Variants in FYTTD1 observed in about 807,000 individuals in gnomAD.
FYTTD1 encodes the protein UAP56-interacting factor.
Under a neutral mutation model 40.9 loss-of-function variants are expected in FYTTD1, and 22 were observed. That is an observed-to-expected ratio of 0.54 (90% CI 0.38 to 0.77). The LOEUF (loss-of-function observed/expected upper bound fraction) is 0.77, where lower values mean the gene tolerates loss of function less well. FYTTD1 is among the 30% of genes least tolerant of loss of function. The pLI, the probability that FYTTD1 is intolerant of heterozygous loss-of-function variation, is 0.00. For missense variants in FYTTD1, 351 were observed against 392.2 expected, an observed-to-expected ratio of 0.90 and a Z score of 0.89; for synonymous variants, 140 against 137.9, an observed-to-expected ratio of 1.01 and a Z score of -0.10.
intron 2 of FYTTD1, chr3:197,763,592 C>T: frequency 2.4e-6 from 1 of 417,110 alleles, no homozygotes. Context: ...GCGTGGGCAA[C>T]ATAGGGAGAC....
At chr3:197,762,849 C>A (rs1303471550) in intron 2 of FYTTD1, among the ~76,000 whole-genome samples, 1 of 152,008 alleles carries the variant, frequency 6.6e-6, no homozygotes, top group Non-Finnish European at 1.5e-5. Flanking sequence ...GGCCACTGCA[C>A]TCCAGCCTGG....
At position 197,783,987 on chromosome 3, in the gene FYTTD1, TTGG is replaced by T. The variant is rs1164753466; in HGVS notation, c.*2083_*2085del. The T allele has an allele frequency of 6.6e-6, 1 of 152,632 alleles. No homozygotes were observed. Among genetic ancestry groups the T allele is most frequent in the African/African-American group, 2.4e-5 (1 of 41,454 alleles). 9.5% of individuals were successfully genotyped at this position (152,632 alleles called of 1,614,324 possible). ...CTTTGGTACAACTAAATTAAAACTC[TTGG>T]TGGTCACATATTGTATATAAACAAA... On this transcript the variant is annotated 3_prime_UTR_variant, in exon 9 of 9. Transcript: ENST00000241502.
chr3:197,755,606 C>T (rs969297205), intron 1 of FYTTD1: 6 of 208,620 alleles, frequency 2.9e-5, no homozygotes, highest in South Asian at 1.9e-4. Context: ...CCGCCATACC[C>T]GGCTAATTTA....
chr3:197,750,944 G>A, intron 1 of FYTTD1: 3 of 664,230 alleles, frequency 4.5e-6, no homozygotes, highest in Non-Finnish European at 5.6e-6. Flanking sequence ...GGCACCAGCC[G>A]CTGTGGTTAG....
chr3:197,756,423 T>TA lies in FYTTD1; in HGVS notation c.104-2dup. ...AAAATAATTGACATTTCCTCTATCATAGATGATATCATCAAGTTGAATCGA... is the reference window on the plus strand; with the variant it reads ...AAAATAATTGACATTTCCTCTATCATAAGATGATATCATCAAGTTGAATCGA... On this transcript the variant is annotated splice_region_variant and splice_polypyrimidine_tract_variant and intron_variant, in intron 1 of 8. Coordinates refer to ENST00000241502, the MANE Select transcript of FYTTD1 (RefSeq NM_032288.7). The TA allele has an allele frequency of 6.3e-7, 1 of 1,599,568 alleles. No individual in the cohort carries two copies. The highest frequency in any genetic ancestry group is 8.6e-7 in the Non-Finnish European group (1 of 1,166,746).
intron 1 of FYTTD1, chr3:197,750,937 A>G (rs1580439480): frequency 2.6e-6 from 2 of 757,244 alleles, no homozygotes; most frequent in Non-Finnish European, 1.6e-6. Flanking sequence ...CTACCGAGGC[A>G]CCAGCCGCTG....
At chr3:197,755,477 G>A (rs146009442) in intron 1 of FYTTD1, among the ~76,000 whole-genome samples, 2,895 of 149,022 alleles carry the variant, frequency 0.019, 67 homozygotes, top group Non-Finnish European at 0.03. Context: ...ATGGAGTCTC[G>A]CTCTGTCACC....
intron 1 of FYTTD1, 119 bp from the exon 2 acceptor site, chr3:197,756,307 T>C (rs1041236490): frequency 9.9e-6 from 7 of 705,798 alleles, no homozygotes; most frequent in African/African-American, 7.2e-5. Flanking sequence ...TATCCTCTTA[T>C]GGAAGTGCTT....
intron 2 of FYTTD1, among the ~76,000 whole-genome samples, chr3:197,760,367 T>G (rs1200499511): frequency 7.2e-5 from 11 of 152,002 alleles, no homozygotes; most frequent in Admixed American, 5.2e-4. Flanking sequence ...GTATAGAGTG[T>G]TCTTCAGTGG....
At chr3:197,777,060 A>T in intron 7 of FYTTD1, 59 bp downstream of exon 7, 1 of 1,014,600 alleles carries the variant, frequency 9.9e-7, no homozygotes, top group Non-Finnish European at 1.5e-6. Context: ...AGATCATAAG[A>T]AAGTATTGGA....
At chr3:197,761,241 G>C (rs1192487571) in intron 2 of FYTTD1, among the ~76,000 whole-genome samples, 1 of 151,998 alleles carries the variant, frequency 6.6e-6, no homozygotes, top group Non-Finnish European at 1.5e-5. Flanking sequence ...TTCTTCAGTG[G>C]TAGAATGTAT....
intron 4 of FYTTD1, 94 bp from the exon 5 acceptor site, chr3:197,773,309 G>T: frequency 1.4e-3 from 899 of 630,194 alleles, no homozygotes; most frequent in East Asian, 2.0e-3. Context: ...CCTCATGTTT[G>T]CAGCCTATGA....
chr3:197,770,054 C>T, intron 3 of FYTTD1, 78 bp from the exon 4 acceptor site: 1 of 811,884 alleles, frequency 1.2e-6, no homozygotes, highest in Non-Finnish European at 2.0e-6. Context: ...CTTGTTCATT[C>T]TGCATCTGAA....
At chr3:197,765,292 C>G (rs1729512357) in intron 2 of FYTTD1, among the ~76,000 whole-genome samples, 1 of 152,046 alleles carries the variant, frequency 6.6e-6, no homozygotes, top group Admixed American at 6.6e-5. Flanking sequence ...TTTTGCCCTA[C>G]AAACTCACTT....
chr3:197,775,853 G>A (rs1349733055), intron 6 of FYTTD1, among the ~76,000 whole-genome samples: 1 of 152,184 alleles, frequency 6.6e-6, no homozygotes, highest in Admixed American at 6.5e-5. Context: ...TCATATAAAT[G>A]TTATTTGTTT....
At chr3:197,776,514 C>G (rs1729880561) in intron 6 of FYTTD1, among the ~76,000 whole-genome samples, 1 of 150,960 alleles carries the variant, frequency 6.6e-6, no homozygotes, top group Admixed American at 6.6e-5. Context: ...TGAGCCAGTG[C>G]CCGGCTGCAG....
At chr3:197,753,787 G>A (rs1036535083) in intron 1 of FYTTD1, among the ~76,000 whole-genome samples, 1 of 151,920 alleles carries the variant, frequency 6.6e-6, no homozygotes, top group African/African-American at 2.4e-5. Flanking sequence ...ACGGAGTCTT[G>A]CTCTGTCGCC....
chr3:197,756,286 A>C, intron 1 of FYTTD1, 140 bp from the exon 2 acceptor site: 1 of 663,500 alleles, frequency 1.5e-6, no homozygotes, highest in South Asian at 1.9e-5. Flanking sequence ...AAAATGGCTG[A>C]TTCTTGTTAT....
In FYTTD1 at chr3:197,784,481, GCT is replaced by G. The variant is rs1730109904; in HGVS notation, c.*2574_*2575del. On this transcript the variant is annotated 3_prime_UTR_variant, in exon 9 of 9. Coordinates refer to ENST00000241502, the MANE Select transcript of FYTTD1 (RefSeq NM_032288.7). ...CTCTCTTTTGATGATTTCATTTGTA[GCT>G]CCAACAAATGAATCTAAAAAGAAGA... 1 of 152,066 alleles carries G rather than the reference GCT, an allele frequency of 6.6e-6. No individual in the cohort carries two copies. The highest frequency in any genetic ancestry group is 1.5e-5 in the Non-Finnish European group (1 of 68,008). 9.4% of individuals were successfully genotyped at this position (152,066 alleles called of 1,614,324 possible). A position where few individuals can be genotyped will look rare whatever the true frequency, so the allele number is the denominator to read the frequency against.
Sources: allele counts gnomAD v4.1 joint callset (sites outside exome capture counted in the v4.1 genomes callset), GRCh38; gene constraint gnomAD v4.1.1; transcripts MANE v1.5; gene names NCBI Gene and HGNC (gene_info 2026-07-23, HGNC 2026-07-21).